DMD: variants seen among roughly 807,000 people sequenced by gnomAD.
The protein encoded by DMD is dystrophin.
DMD carries 63 observed loss-of-function variants against 330.1 expected under a neutral mutation model. That is an observed-to-expected ratio of 0.19 (90% confidence interval 0.16 to 0.24). DMD has a LOEUF of 0.24. Ranked by LOEUF, DMD falls within the 10% of genes least tolerant of loss-of-function variation. The pLI, the probability that DMD is intolerant of heterozygous loss-of-function variation, is 1.00. For synonymous variants in DMD, 1,223 were observed against 959.8 expected, an observed-to-expected ratio of 1.27 and a Z score of -5.07; for missense variants, 3,344 against 2,684.1, an observed-to-expected ratio of 1.25 and a Z score of -5.43.
intron 44 of DMD, among the ~76,000 whole-genome samples, chrX:32,111,397 T>C (rs2096588825): frequency 8.9e-6 from 1 of 111,971 alleles, no homozygotes; most frequent in South Asian, 3.7e-4. Flanking sequence ...TACTAAAATT[T>C]TTTTCTTAAG....
chrX:32,680,544 G>A (rs1312876038), intron 9 of DMD, among the ~76,000 whole-genome samples: 2 of 111,120 alleles, frequency 1.8e-5, no homozygotes, highest in African/African-American at 6.6e-5. Flanking sequence ...TAATTCTTAT[G>A]CTTTAATTTA....
chrX:32,859,458 A>G lies in DMD; in HGVS notation c.94-9638T>C, dbSNP rs889158525. 1.2e-4 allele frequency among the ~76,000 whole-genome samples: 9 copies of G among 78,081 alleles called. No individual in the cohort carries two copies. The East Asian group carries it at 2.5e-3, about 22-fold the overall frequency. The allele number at this position is 78,081 out of a possible 115,157, so 67.8% of individuals were successfully genotyped here. A position where few individuals can be genotyped will look rare whatever the true frequency, so the allele number is the denominator to read the frequency against. ...ACTCCGGCCTTTGTGACGAAGCAAG[A>G]TCTCACACACACACACACACACACA... On this transcript the variant is annotated intron_variant, in intron 2 of 78. Coordinates refer to ENST00000357033, the MANE Select transcript of DMD (RefSeq NM_004006.3).
chrX:31,270,692 G>A (rs1461743949), intron 62 of DMD, among the ~76,000 whole-genome samples: 1 of 111,706 alleles, frequency 9.0e-6, no homozygotes, highest in African/African-American at 3.3e-5. Context: ...AAGGTATGAG[G>A]GAGCTTTTTA....
At chrX:32,342,017 G>T in intron 41 of DMD, 83 bp downstream of exon 41, 1 of 947,143 alleles carries the variant, frequency 1.1e-6, no homozygotes, top group Non-Finnish European at 1.4e-6. Flanking sequence ...CAGATTTTTT[G>T]TCTCTTTTTT....
intron 43 of DMD, among the ~76,000 whole-genome samples, chrX:32,263,788 T>C (rs985315307): frequency 2.7e-5 from 3 of 111,489 alleles, no homozygotes; most frequent in African/African-American, 9.8e-5. Flanking sequence ...TATAGACACA[T>C]TAAAACATGG....
intron 9 of DMD, among the ~76,000 whole-genome samples, chrX:32,680,957 C>A (rs1195152622): frequency 8.9e-6 from 1 of 112,188 alleles, no homozygotes; most frequent in African/African-American, 3.2e-5. Flanking sequence ...TTCCTAGTTA[C>A]ATATTTTACA....
chrX:32,612,485 T>C (rs149017996), intron 12 of DMD, among the ~76,000 whole-genome samples: 2,002 of 111,544 alleles, frequency 0.018, 16 homozygotes, highest in Non-Finnish European at 0.029. Context: ...ATCATTAGTG[T>C]TAGTATATTT....
At chrX:32,992,321 G>A (rs1178140220) in intron 2 of DMD, among the ~76,000 whole-genome samples, 1 of 111,872 alleles carries the variant, frequency 8.9e-6, no homozygotes, top group African/African-American at 3.2e-5. Context: ...CAAAGCTATA[G>A]TAATAAAAGA....
intron 61 of DMD, among the ~76,000 whole-genome samples, chrX:31,334,121 A>G (rs2057296681): frequency 9.0e-6 from 1 of 111,730 alleles, no homozygotes; most frequent in Non-Finnish European, 1.9e-5. Flanking sequence ...TTCAGTAGAG[A>G]CGGGGTTTCA....
intron 1 of DMD, among the ~76,000 whole-genome samples, chrX:33,103,622 ACT>A (rs2095260329): frequency 1.8e-5 from 2 of 109,497 alleles, no homozygotes; most frequent in Non-Finnish European, 3.8e-5. Flanking sequence ...CCCTTCCCTG[ACT>A]CTCTTTTCGG....
intron 17 of DMD, among the ~76,000 whole-genome samples, chrX:32,530,336 T>C (rs2047364505): frequency 8.9e-6 from 1 of 112,293 alleles, no homozygotes; most frequent in Admixed American, 9.4e-5. Context: ...GAATCGTTGA[T>C]TGCAGTGAAG....
chrX:32,150,713 C>G (rs998299063), intron 44 of DMD, among the ~76,000 whole-genome samples: 7 of 111,695 alleles, frequency 6.3e-5, no homozygotes, highest in African/African-American at 2.3e-4. Flanking sequence ...TCTGATATTT[C>G]TTTCATGATC....
rs752222680 is a variant in DMD, at chrX:31,120,591, T to C, written c.*1328A>G. On this transcript the variant is annotated 3_prime_UTR_variant, in exon 79 of 79. Transcript: ENST00000357033. ...AAAAACCAAACCACCCAGTTCCTTT[T>C]GACTGTGAGAAGAGGGCATAATAAT... 2 of 112,118 alleles carry C rather than the reference T, an allele frequency of 1.8e-5. No individual in the cohort carries two copies. Among genetic ancestry groups the C allele is most frequent in the Non-Finnish European group, 3.8e-5 (2 of 53,207 alleles). 9.2% of individuals were successfully genotyped at this position (112,118 alleles called of 1,213,427 possible).
At chrX:32,768,778 G>C (rs898527881) in intron 7 of DMD, among the ~76,000 whole-genome samples, 19 of 112,111 alleles carry the variant, frequency 1.7e-4, no homozygotes, top group African/African-American at 5.5e-4. Flanking sequence ...TTATGAAGCT[G>C]ATAGTTCCTA....
At chrX:32,933,770 A>T (rs1486234262) in intron 2 of DMD, among the ~76,000 whole-genome samples, 1 of 111,881 alleles carries the variant, frequency 8.9e-6, no homozygotes, top group East Asian at 2.8e-4. Flanking sequence ...GAAATGAGAC[A>T]CGTTGCCGGA....
At chrX:31,851,087 T>C (rs1333882272) in intron 48 of DMD, among the ~76,000 whole-genome samples, 3 of 112,081 alleles carry the variant, frequency 2.7e-5, no homozygotes, top group Admixed American at 1.9e-4. Flanking sequence ...CATTGTTCAG[T>C]TGAGTTTCTT....
At chrX:32,350,534 A>T (rs1273173019) in intron 37 of DMD, among the ~76,000 whole-genome samples, 1 of 111,421 alleles carries the variant, frequency 9.0e-6, no homozygotes, top group Non-Finnish European at 1.9e-5. Flanking sequence ...GTAAGTGTCA[A>T]TTGACTTGCT....
chrX:31,926,534 G>T (rs1232264653), intron 47 of DMD, among the ~76,000 whole-genome samples: 1 of 110,166 alleles, frequency 9.1e-6, no homozygotes, highest in Admixed American at 9.7e-5. Flanking sequence ...AAATTAGTTG[G>T]GTGTGGTGGT....
chrX:31,545,519 T>C (rs898586687), intron 55 of DMD, among the ~76,000 whole-genome samples: 1 of 112,612 alleles, frequency 8.9e-6, no homozygotes, highest in African/African-American at 3.2e-5. Context: ...TTTGAAAATA[T>C]GTTGCAAAAA....
Sources: allele counts gnomAD v4.1 joint callset (sites outside exome capture counted in the v4.1 genomes callset), GRCh38; gene constraint gnomAD v4.1.1; transcripts MANE v1.5; gene names NCBI Gene and HGNC (gene_info 2026-07-23, HGNC 2026-07-21).